PASD1: variants seen among roughly 807,000 people sequenced by gnomAD.
PASD1 encodes circadian clock protein PASD1.
PASD1 carries 13 observed loss-of-function variants against 58.8 expected under a neutral mutation model. The ratio of observed to expected loss-of-function variants is 0.22; its 90% confidence interval spans 0.14 to 0.35. The LOEUF is 0.35. Ranked by LOEUF, PASD1 falls within the 10% of genes least tolerant of loss-of-function variation. The pLI, the probability that PASD1 is intolerant of heterozygous loss-of-function variation, is 1.00. For synonymous variants in PASD1, 236 were observed against 216.7 expected, an observed-to-expected ratio of 1.09 and a Z score of -0.78; for missense variants, 734 against 568.3, an observed-to-expected ratio of 1.29 and a Z score of -2.96.
At chrX:151,599,607 C>T (rs1310552740) in intron 1 of PASD1, among the ~76,000 whole-genome samples, 1 of 104,088 alleles carries the variant, frequency 9.6e-6, no homozygotes, top group Non-Finnish European at 2.0e-5. Flanking sequence ...GGGGCAGAGA[C>T]ACTCCTCAGT....
intron 9 of PASD1, among the ~76,000 whole-genome samples, chrX:151,653,384 G>T (rs1310678573): frequency 1.8e-5 from 2 of 109,174 alleles, no homozygotes; most frequent in Admixed American, 9.8e-5. Context: ...TAGAGACGGG[G>T]TTTCACCGTG....
At chrX:151,652,831 G>A (rs1040086796) in intron 9 of PASD1, among the ~76,000 whole-genome samples, 1 of 111,671 alleles carries the variant, frequency 9.0e-6, no homozygotes, top group African/African-American at 3.3e-5. Flanking sequence ...AGCAGCTGGA[G>A]CAGAGTGAGC....
At chrX:151,567,564 A>G (rs1371500547) in intron 1 of PASD1, among the ~76,000 whole-genome samples, 2 of 111,688 alleles carry the variant, frequency 1.8e-5, no homozygotes, top group Admixed American at 9.5e-5. Context: ...AGCCATAAAA[A>G]GCTGCTGTCT....
chrX:151,673,977 A>G lies in PASD1; in HGVS notation c.1966A>G (p.Ile656Val), dbSNP rs2014511294. The G allele has an allele frequency of 1.7e-6, 2 of 1,210,560 alleles. No individual in the cohort carries two copies. The highest frequency in any genetic ancestry group is 2.2e-6 in the Non-Finnish European group (2 of 894,353). Reference protein sequence around the residue: ...QGPPVNQLPLIDTSNSEAISS... With the variant: ...QGPPVNQLPLVDTSNSEAISS... ...GCCCCCCGTGAACCAGCTGCCATTG[A>G]TAGATACCTCAAACTCTGAGGCAAT... The change falls in exon 15 of 16, where the codon ATA becomes GTA. Residue 656 changes from isoleucine to valine, a missense_variant. By Grantham distance (29) the Ile-to-Val change is conservative. Transcript: ENST00000370357.
intron 8 of PASD1, among the ~76,000 whole-genome samples, chrX:151,633,754 T>G (rs1031991696): frequency 8.9e-6 from 1 of 112,029 alleles, no homozygotes; most frequent in African/African-American, 3.2e-5. Flanking sequence ...TACTAAAGAC[T>G]TATTGAAGCA....
chrX:151,589,194 G>T (rs1004263348), intron 1 of PASD1, among the ~76,000 whole-genome samples: 1 of 111,361 alleles, frequency 9.0e-6, no homozygotes, highest in Non-Finnish European at 1.9e-5. Flanking sequence ...CCACTACAGG[G>T]TTATCCTCTT....
chrX:151,633,631 T>G (rs1158075245), intron 8 of PASD1, among the ~76,000 whole-genome samples: 1 of 111,788 alleles, frequency 8.9e-6, no homozygotes, highest in Non-Finnish European at 1.9e-5. Flanking sequence ...TTCAGCTACA[T>G]GACAAATTAT....
intron 11 of PASD1, among the ~76,000 whole-genome samples, chrX:151,666,157 T>C (rs1434542727): frequency 9.1e-6 from 1 of 109,953 alleles, no homozygotes; most frequent in African/African-American, 3.3e-5. Flanking sequence ...AAGTTGCAAG[T>C]GTAGGTACCT....
intron 8 of PASD1, among the ~76,000 whole-genome samples, chrX:151,642,793 T>C (rs763209684): frequency 5.0e-4 from 56 of 112,315 alleles, no homozygotes; most frequent in African/African-American, 1.6e-3. Context: ...TTGGCCAATT[T>C]TTCTATTAAC....
At chrX:151,628,410 A>C (rs1385304544) in intron 8 of PASD1, among the ~76,000 whole-genome samples, 2 of 112,327 alleles carry the variant, frequency 1.8e-5, no homozygotes, top group East Asian at 5.6e-4. Context: ...ATCCAGTTTC[A>C]GCTTTATACA....
chrX:151,638,278 A>G (rs1244557045), intron 8 of PASD1, among the ~76,000 whole-genome samples: 2 of 107,332 alleles, frequency 1.9e-5, no homozygotes, highest in Admixed American at 2.0e-4. Flanking sequence ...GGAACATCAC[A>G]CACTGGGGCC....
At chrX:151,622,595 A>ACAC (rs1296199164) in intron 6 of PASD1, among the ~76,000 whole-genome samples, 4 of 108,786 alleles carry the variant, frequency 3.7e-5, no homozygotes, top group African/African-American at 1.3e-4. Context: ...TTACACACAC[A>ACAC]CACACACACA....
At chrX:151,671,889 T>C (rs1465919667) in intron 13 of PASD1, 110 bp downstream of exon 13, 1 of 878,732 alleles carries the variant, frequency 1.1e-6, no homozygotes, top group East Asian at 3.3e-5. Flanking sequence ...TTGGCTGCAA[T>C]TTATTTGCCC....
intron 1 of PASD1, among the ~76,000 whole-genome samples, chrX:151,597,886 A>AGTG (rs1199954530): frequency 9.0e-6 from 1 of 111,048 alleles, no homozygotes. Context: ...GCCTGCCACC[A>AGTG]CGCCCAGCTA....
Position 151,664,258 on chromosome X carries a change from C to T in PASD1, c.981C>T (p.Asn327=), listed in dbSNP as rs1250250363. ...CAATGGACCAGCAGGACCCAGAGAACCCAGTTGCCCCGTTGGACCAGGCAG... is the reference window on the plus strand; with the variant it reads ...CAATGGACCAGCAGGACCCAGAGAATCCAGTTGCCCCGTTGGACCAGGCAG... ...EGPMDQQDPE[N]PVAPLDQAGL... The change falls in exon 11 of 16, where the codon AAC becomes AAT. Residue 327 remains asparagine (N), a synonymous_variant. Transcript: ENST00000370357. 8 of 1,209,200 alleles carry T rather than the reference C, an allele frequency of 6.6e-6. No homozygotes were observed. The highest frequency in any genetic ancestry group is 1.8e-5 in the South Asian group (1 of 56,697).
intron 2 of PASD1, among the ~76,000 whole-genome samples, chrX:151,602,381 CAT>C (rs1366871283): frequency 2.7e-5 from 3 of 111,261 alleles, no homozygotes; most frequent in Admixed American, 1.9e-4. Flanking sequence ...AAAAACCTAA[CAT>C]GTCACTCTCC....
intron 8 of PASD1, among the ~76,000 whole-genome samples, chrX:151,629,642 G>A (rs753410158): frequency 3.6e-5 from 4 of 111,826 alleles, no homozygotes; most frequent in African/African-American, 9.7e-5. Flanking sequence ...AATGTGGAAC[G>A]TAAGATACCT....
chrX:151,627,383 G>A (rs1476523717), intron 8 of PASD1, among the ~76,000 whole-genome samples: 1 of 107,278 alleles, frequency 9.3e-6, no homozygotes, highest in Non-Finnish European at 1.9e-5. Context: ...AGGCCCCAGT[G>A]TGTGATGTTC....
intron 9 of PASD1, among the ~76,000 whole-genome samples, chrX:151,650,173 G>C (rs975926280): frequency 1.8e-5 from 2 of 111,094 alleles, no homozygotes; most frequent in African/African-American, 6.5e-5. Context: ...TATAGCTCTA[G>C]CCATCAGTGT....
Sources: allele counts gnomAD v4.1 joint callset (sites outside exome capture counted in the v4.1 genomes callset), GRCh38; gene constraint gnomAD v4.1.1; transcripts MANE v1.5; gene names NCBI Gene and HGNC (gene_info 2026-07-23, HGNC 2026-07-21).